Variants in ZIC4 observed in about 807,000 individuals in gnomAD.
The protein encoded by ZIC4 is zinc finger protein ZIC 4.
ZIC4 carries 15 observed loss-of-function variants against 28.8 expected under a neutral mutation model. That is an observed-to-expected ratio of 0.52 (90% confidence interval 0.35 to 0.80). ZIC4 has a LOEUF of 0.80. Among genes scored for constraint, ZIC4 ranks in the 30% least tolerant of loss-of-function variants. ZIC4 has a pLI of 0.01. For missense variants in ZIC4, 512 were observed against 467.1 expected (o/e 1.10, Z -0.89); for synonymous variants, 220 against 198.1 (o/e 1.11, Z -0.93).
intron 3 of ZIC4, chr3:147,391,928 C>G (rs577595862): frequency 1.0e-6 from 1 of 974,628 alleles, no homozygotes; most frequent in South Asian, 4.7e-5. Context: ...TTTCCTTCTA[C>G]CCCCTGAGGG....
intron 1 of ZIC4, among the ~76,000 whole-genome samples, chr3:147,404,891 C>G (rs935719553): frequency 5.3e-5 from 8 of 152,362 alleles, no homozygotes; most frequent in Admixed American, 2.6e-4. Context: ...CTGCTCCTTA[C>G]TGACTAGCCG....
chr3:147,399,957 C>T (rs1002363242), intron 2 of ZIC4, among the ~76,000 whole-genome samples: 8 of 152,180 alleles, frequency 5.3e-5, no homozygotes, highest in African/African-American at 1.4e-4. Context: ...TGAGCCACTG[C>T]ACCCGGCCAG....
At chr3:147,397,055 C>G (rs889062966) in intron 2 of ZIC4, 1 of 152,126 alleles carries the variant, frequency 6.6e-6, no homozygotes, top group Non-Finnish European at 1.5e-5. Flanking sequence ...GAAAGGAAAA[C>G]CACACAAAAA....
At chr3:147,392,304 G>T in intron 3 of ZIC4, 1 of 985,834 alleles carries the variant, frequency 1.0e-6, no homozygotes, top group South Asian at 4.7e-5. Context: ...CAGGCGGCTG[G>T]CATAGGCCGG....
chr3:147,395,765 C>G, intron 3 of ZIC4, 87 bp downstream of exon 3: 1 of 1,514,806 alleles, frequency 6.6e-7, no homozygotes, highest in Non-Finnish European at 8.9e-7. Context: ...ATTTCCCCCT[C>G]CCCTCAGTTG....
At chr3:147,405,376 G>C in intron 1 of ZIC4, 2 of 1,536,112 alleles carry the variant, frequency 1.3e-6, no homozygotes, top group Non-Finnish European at 1.7e-6. Context: ...ACATGACCTT[G>C]GAATCCAAAG....
rs768430279 is a variant in ZIC4, at chr3:147,395,993, T to C, written c.547A>G (p.Lys183Glu). 48 of 1,614,252 alleles carry C rather than the reference T, an allele frequency of 3.0e-5. No homozygotes were observed. In the Middle Eastern group the frequency reaches 1.2e-3, roughly 39 times the overall value. Residue 183 changes from lysine to glutamate, a missense_variant, in exon 3 of 5, where the codon AAG becomes GAG. Lys to Glu is a moderately conservative substitution (Grantham distance 56, BLOSUM62 1). This residue lies in a region of ZIC4 where 310 missense variants were observed against 256.5 expected (regional missense o/e 1.21). Transcript: ENST00000383075. The part of the protein sequence containing the change: ...CFWEECPRQG[K>E]PFKAKYKLVN... Reference sequence around the variant, plus strand: ...AGTTTGTATTTGGCTTTGAAGGGCTTTCCCTGGCGCGGACACTCCTCCCAG... The same window carrying C: ...AGTTTGTATTTGGCTTTGAAGGGCTCTCCCTGGCGCGGACACTCCTCCCAG...
At chr3:147,400,371 G>A (rs1196767355) in intron 2 of ZIC4, among the ~76,000 whole-genome samples, 2 of 152,216 alleles carry the variant, frequency 1.3e-5, no homozygotes, top group East Asian at 3.9e-4. Context: ...CAGCAAAAGG[G>A]CAAACACATC....
In ZIC4 at chr3:147,386,955, C is replaced by T. The variant is rs2086807622; in HGVS notation, c.*1904G>A. 6.6e-6 allele frequency: 1 copy of T among 152,202 alleles called. No individual in the cohort carries two copies. Among genetic ancestry groups the T allele is most frequent in the Non-Finnish European group, 1.5e-5 (1 of 68,046 alleles). The allele number at this position is 152,202 out of a possible 1,614,324, so 9.4% of individuals were successfully genotyped here. ...GCAGGAGATATTAACAATTGCTTGG[C>T]TGCATTCTTAAGTTCCAAGGATCCT... On this transcript the variant is annotated 3_prime_UTR_variant, in exon 5 of 5. Coordinates refer to ENST00000383075, the MANE Select transcript of ZIC4 (RefSeq NM_032153.6).
intron 1 of ZIC4, chr3:147,403,579 A>AT (rs1294557431): frequency 1.2e-5 from 2 of 166,988 alleles, no homozygotes; most frequent in Admixed American, 6.1e-5. Context: ...ACTTAAAGCC[A>AT]TCCTGAGGAC....
rs779742263 is a variant in ZIC4 at position 147,396,486 on chromosome 3, T to C, written c.71-17A>G. ...AGCTGCTACCTGTTGTCGAAACAAA[T>C]AGCGCGCATGAGAACGGGTGGCGTG... is the stretch of plus-strand genomic sequence containing the variant. On this transcript the variant is annotated splice_polypyrimidine_tract_variant and intron_variant, in intron 2 of 4. Coordinates refer to ENST00000383075, the MANE Select transcript of ZIC4 (RefSeq NM_032153.6). This position sits in a 1 kb window ranked among gnomAD's most constrained non-coding sequence, Gnocchi z 4.2. 1 of 1,503,540 alleles carries C rather than the reference T, an allele frequency of 6.7e-7. No individual in the cohort carries two copies. The allele number at this position is 1,503,540 out of a possible 1,614,324, so 93.1% of individuals were successfully genotyped here.
In ZIC4 at chr3:147,393,861, T is replaced by C. The variant is rs1187188403; in HGVS notation, c.688+1991A>G. 3 of 456,526 alleles carry C rather than the reference T, an allele frequency of 6.6e-6. No homozygotes were observed. The Admixed American group carries it at 7.0e-5, about 11-fold the overall frequency. The allele number at this position is 456,526 out of a possible 1,614,324, so 28.3% of individuals were successfully genotyped here. On this transcript the variant is annotated intron_variant, in intron 3 of 4. Transcript: ENST00000383075. ...CCGCGCCTCCCTCCCCGAGGCACCA[T>C]TGTTCCGGGATCGCTGTGACCGCCA...
chr3:147,396,432 G>C lies in ZIC4; in HGVS notation c.108C>G (p.Ala36=). 6.6e-7 allele frequency: 1 copy of C among 1,521,328 alleles called. No individual in the cohort carries two copies. Among genetic ancestry groups the C allele is most frequent in the African/African-American group, 1.4e-5 (1 of 71,770 alleles). The allele number at this position is 1,521,328 out of a possible 1,614,324, so 94.2% of individuals were successfully genotyped here. A position where few individuals can be genotyped will look rare whatever the true frequency, so the allele number is the denominator to read the frequency against. The change falls in exon 3 of 5, where the codon GCC becomes GCG. Residue 36 remains alanine, a synonymous_variant. Transcript: ENST00000383075. This position sits in a 1 kb window ranked among gnomAD's most constrained non-coding sequence, Gnocchi z 4.2. The part of the protein sequence containing the change: ...SSGHHGPQLT[A]ASSPSVFPGL... ...CCGGGAACACCGAGGGGCTGGAGGC[G>C]GCGGTGAGCTGGGGGCCATGGTGTC...
rs937598309 is a variant in ZIC4, at chr3:147,388,283, A to T, written c.*576T>A. ...ATGGCGAGCCTAACGCGGCATGCTG[A>T]TGCACCGTCAAACTCACACTTTCAA... On this transcript the variant is annotated 3_prime_UTR_variant, in exon 5 of 5. Coordinates refer to ENST00000383075, the MANE Select transcript of ZIC4 (RefSeq NM_032153.6). The T allele has an allele frequency of 6.5e-6, 1 of 153,172 alleles. No homozygotes were observed. Among genetic ancestry groups the T allele is most frequent in the South Asian group, 2.1e-4 (1 of 4,838 alleles). 9.5% of individuals were successfully genotyped at this position (153,172 alleles called of 1,614,324 possible).
chr3:147,388,646 T>C lies in ZIC4; in HGVS notation c.*213A>G, dbSNP rs1576452837. ...AAAGGTCTGTTAGACGTAAATATTA[T>C]GTCCTTAATGAAAAGCCTGGACGGG... On this transcript the variant is annotated 3_prime_UTR_variant, in exon 5 of 5. Transcript: ENST00000383075. 5.4e-6 allele frequency: 3 copies of C among 559,840 alleles called. No individual in the cohort carries two copies. Among genetic ancestry groups the C allele is most frequent in the East Asian group, 3.0e-5 (1 of 33,842 alleles). 34.7% of individuals were successfully genotyped at this position (559,840 alleles called of 1,614,324 possible).
chr3:147,397,389 C>A (rs985916128), intron 2 of ZIC4, among the ~76,000 whole-genome samples: 2 of 151,984 alleles, frequency 1.3e-5, no homozygotes, highest in Admixed American at 6.6e-5. Context: ...ACCTCTCCCC[C>A]AAACATATAC....
At position 147,396,409 on chromosome 3, in the gene ZIC4, G is replaced by T. The variant is rs970157264; in HGVS notation, c.131C>A (p.Pro44Gln). The T allele has an allele frequency of 1.3e-6, 2 of 1,524,444 alleles. No homozygotes were observed. Among genetic ancestry groups the T allele is most frequent in the Non-Finnish European group, 1.8e-6 (2 of 1,140,292 alleles). 94.4% of individuals were successfully genotyped at this position (1,524,444 alleles called of 1,614,324 possible). A position where few individuals can be genotyped will look rare whatever the true frequency, so the allele number is the denominator to read the frequency against. The change falls in exon 3 of 5, where the codon CCG becomes CAG. Residue 44 changes from proline (P) to glutamine (Q), a missense_variant. This residue lies in a region of ZIC4 where 310 missense variants were observed against 256.5 expected (regional missense o/e 1.21). Transcript: ENST00000383075. The surrounding 1 kb of genome is among the most constrained non-coding windows in gnomAD (Gnocchi z 4.2). ...CTGGGGAGGCTCCTCGTGGAGGCCC[G>T]GGAACACCGAGGGGCTGGAGGCGGC... ...LTAASSPSVF[P>Q]GLHEEPPQAS...
At position 147,391,285 on chromosome 3, in the gene ZIC4, C is replaced by G. The variant is rs764337748; in HGVS notation, c.689-39G>C. ...CGCAGAGACATTAGTGCTTGTGGGT[C>G]GTGTTCCCGTCAGGTGCTTGCCACC... is the stretch of plus-strand genomic sequence containing the variant. On this transcript the variant is annotated intron_variant, in intron 3 of 4. Coordinates refer to ENST00000383075, the MANE Select transcript of ZIC4 (RefSeq NM_032153.6). 2.6e-6 allele frequency: 4 copies of G among 1,529,472 alleles called. No individual in the cohort carries two copies. The Admixed American group carries it at 7.7e-5, about 29-fold the overall frequency. 94.7% of individuals were successfully genotyped at this position (1,529,472 alleles called of 1,614,324 possible).
At chr3:147,394,561 C>A (rs1178803639) in intron 3 of ZIC4, among the ~76,000 whole-genome samples, 1 of 152,066 alleles carries the variant, frequency 6.6e-6, no homozygotes, top group African/African-American at 2.4e-5. Flanking sequence ...GCCGCCAGCT[C>A]CCGGAGTAGC....
Sources: allele counts gnomAD v4.1 joint callset (sites outside exome capture counted in the v4.1 genomes callset), GRCh38; gene constraint gnomAD v4.1.1; regional missense constraint gnomAD v4.1.1; non-coding constraint Gnocchi (gnomAD v3.1); transcripts MANE v1.5; gene names NCBI Gene and HGNC (gene_info 2026-07-23, HGNC 2026-07-21).